IL1RAPL2: variants seen among roughly 807,000 people sequenced by gnomAD.
IL1RAPL2 encodes the protein X-linked interleukin-1 receptor accessory protein-like 2.
In IL1RAPL2, 3 loss-of-function variants were observed where a neutral mutation model predicts 44.1. That is an observed-to-expected ratio of 0.07 (90% CI 0.03 to 0.18). The LOEUF (loss-of-function observed/expected upper bound fraction) is 0.18. Among genes scored for constraint, IL1RAPL2 ranks in the 10% least tolerant of loss-of-function variants. The pLI is 1.00. For missense variants in IL1RAPL2, 391 were observed against 496.4 expected, an observed-to-expected ratio of 0.79 and a Z score of 2.02; for synonymous variants, 181 against 178.8, an observed-to-expected ratio of 1.01 and a Z score of -0.10.
chrX:105,281,602 G>T (rs771721876), intron 5 of IL1RAPL2, among the ~76,000 whole-genome samples: 4 of 111,268 alleles, frequency 3.6e-5, no homozygotes, highest in Non-Finnish European at 7.5e-5. Context: ...GTTATATTTA[G>T]ATACACAAAT....
chrX:105,601,768 A>G (rs2037253645), intron 6 of IL1RAPL2, among the ~76,000 whole-genome samples: 1 of 110,926 alleles, frequency 9.0e-6, no homozygotes. Context: ...TCTTCCCTGT[A>G]CTTTAATAGC....
chrX:105,107,731 A>C (rs1171491806), intron 2 of IL1RAPL2, among the ~76,000 whole-genome samples: 1 of 111,443 alleles, frequency 9.0e-6, no homozygotes, highest in East Asian at 2.8e-4. Context: ...AATATTTAGA[A>C]AGCAATAAAA....
intron 2 of IL1RAPL2, among the ~76,000 whole-genome samples, chrX:105,102,628 C>T (rs777907925): frequency 4.5e-5 from 5 of 111,576 alleles, no homozygotes; most frequent in Non-Finnish European, 7.5e-5. Flanking sequence ...GTGATTGAAA[C>T]ATAAACACAT....
chrX:104,692,346 T>TTA (rs766955423), intron 2 of IL1RAPL2, among the ~76,000 whole-genome samples: 35 of 109,073 alleles, frequency 3.2e-4, no homozygotes, highest in Non-Finnish European at 4.2e-4. Flanking sequence ...TGTAAGAGGA[T>TTA]TATATATATA....
intron 5 of IL1RAPL2, among the ~76,000 whole-genome samples, chrX:105,353,306 C>A (rs1375267020): frequency 9.0e-6 from 1 of 111,341 alleles, no homozygotes; most frequent in Non-Finnish European, 1.9e-5. Context: ...GTTTAGGTAC[C>A]AGTACCATGC....
chrX:104,712,608 A>G (rs1269361023), intron 2 of IL1RAPL2, among the ~76,000 whole-genome samples: 2 of 111,422 alleles, frequency 1.8e-5, no homozygotes, highest in African/African-American at 6.5e-5. Flanking sequence ...ATATCACAAT[A>G]TAGATTTAAC....
intron 6 of IL1RAPL2, among the ~76,000 whole-genome samples, chrX:105,534,663 C>G (rs2036665038): frequency 8.9e-6 from 1 of 112,009 alleles, no homozygotes; most frequent in African/African-American, 3.2e-5. Context: ...ATACATAGAT[C>G]AATTAACGGA....
At chrX:105,237,430 A>G (rs1307785156) in intron 4 of IL1RAPL2, among the ~76,000 whole-genome samples, 2 of 112,110 alleles carry the variant, frequency 1.8e-5, no homozygotes, top group Admixed American at 9.5e-5. Flanking sequence ...ACTGTCTTCC[A>G]CAATGATTGA....
intron 1 of IL1RAPL2, among the ~76,000 whole-genome samples, chrX:104,614,271 T>A (rs1477412560): frequency 8.9e-6 from 1 of 112,017 alleles, no homozygotes. Context: ...CCTCTGGGTA[T>A]GATGTTAGAT....
chrX:104,877,413 G>A (rs1218312463), intron 2 of IL1RAPL2, among the ~76,000 whole-genome samples: 1 of 111,719 alleles, frequency 9.0e-6, no homozygotes, highest in Non-Finnish European at 1.9e-5. Context: ...CCAATCAATA[G>A]AAAAAGAGGG....
intron 2 of IL1RAPL2, among the ~76,000 whole-genome samples, chrX:104,921,892 C>T (rs1342514511): frequency 8.9e-6 from 1 of 112,174 alleles, no homozygotes; most frequent in Admixed American, 9.4e-5. Context: ...GTCCAGGGTG[C>T]AGCAGCTGGG....
chrX:105,446,418 T>C (rs188041105), intron 5 of IL1RAPL2, among the ~76,000 whole-genome samples: 17 of 111,375 alleles, frequency 1.5e-4, no homozygotes, highest in African/African-American at 5.5e-4. Context: ...TAAGGACTTA[T>C]TCCTCCCATT....
chrX:105,423,838 G>A (rs781357477), intron 5 of IL1RAPL2, among the ~76,000 whole-genome samples: 35 of 106,792 alleles, frequency 3.3e-4, no homozygotes, highest in Non-Finnish European at 5.9e-4. Flanking sequence ...ATGGAAACAG[G>A]AAATCTTGCC....
chrX:105,635,831 G>A (rs2037519361), intron 6 of IL1RAPL2, among the ~76,000 whole-genome samples: 1 of 111,614 alleles, frequency 9.0e-6, no homozygotes, highest in Non-Finnish European at 1.9e-5. Context: ...TCACCCTTGA[G>A]AGAGAGGTTT....
At chrX:105,194,290 G>A (rs1485023741) in intron 2 of IL1RAPL2, among the ~76,000 whole-genome samples, 2 of 112,101 alleles carry the variant, frequency 1.8e-5, no homozygotes, top group African/African-American at 6.5e-5. Context: ...TCTAAAAAAG[G>A]AAGCAGATCA....
At chrX:105,303,753 C>T (rs2034713788) in intron 5 of IL1RAPL2, among the ~76,000 whole-genome samples, 1 of 112,252 alleles carries the variant, frequency 8.9e-6, no homozygotes, top group African/African-American at 3.2e-5. Flanking sequence ...GCGTACTTCC[C>T]TCTAACAGTG....
chrX:105,037,412 C>A (rs1285614028), intron 2 of IL1RAPL2, among the ~76,000 whole-genome samples: 1 of 111,015 alleles, frequency 9.0e-6, no homozygotes, highest in African/African-American at 3.3e-5. Context: ...AGGGGGACAA[C>A]AATGCCAGAC....
At chrX:105,284,842 G>A (rs2034558811) in intron 5 of IL1RAPL2, among the ~76,000 whole-genome samples, 1 of 111,347 alleles carries the variant, frequency 9.0e-6, no homozygotes, top group African/African-American at 3.3e-5. Flanking sequence ...TAATGACTGA[G>A]TGAAGCCAGG....
intron 6 of IL1RAPL2, among the ~76,000 whole-genome samples, chrX:105,592,242 A>G (rs977895114): frequency 2.7e-5 from 3 of 111,201 alleles, no homozygotes. Context: ...GCAACCGTCA[A>G]TTTTTTGTTG....
Sources: allele counts gnomAD v4.1 joint callset (sites outside exome capture counted in the v4.1 genomes callset), GRCh38; gene constraint gnomAD v4.1.1; transcripts MANE v1.5; gene names NCBI Gene and HGNC (gene_info 2026-07-23, HGNC 2026-07-21).